The following KIF1B variants were observed in gnomAD, a reference collection of about 807,000 sequenced individuals.
KIF1B encodes the protein kinesin-like protein KIF1B.
A neutral mutation model predicts 241.9 loss-of-function variants in KIF1B; 76 were observed. That is an observed-to-expected ratio of 0.31 (90% CI 0.26 to 0.38). KIF1B has a LOEUF of 0.38. Among genes scored for constraint, KIF1B ranks in the 10% least tolerant of loss-of-function variants. KIF1B has a pLI of 1.00. For missense variants in KIF1B, 1,622 were observed against 2,271.4 expected (o/e 0.71, Z 5.81); for synonymous variants, 750 against 796.7 (o/e 0.94, Z 0.99).
chr1:10,304,630 C>G (rs746409974), intron 22 of KIF1B: 8 of 1,613,810 alleles, frequency 5.0e-6, no homozygotes, highest in Non-Finnish European at 6.8e-6. Context: ...CAAAGCTGGT[C>G]GAGAAACCAC....
chr1:10,278,580 C>T (rs1649240386), intron 13 of KIF1B: 1 of 204,340 alleles, frequency 4.9e-6, no homozygotes, highest in Non-Finnish European at 1.0e-5. Flanking sequence ...AGATAAGATT[C>T]ACCTTTGAAT....
intron 27 of KIF1B, among the ~76,000 whole-genome samples, chr1:10,331,379 C>T (rs150698452): frequency 2.6e-5 from 4 of 152,158 alleles, no homozygotes; most frequent in Non-Finnish European, 4.4e-5. Flanking sequence ...TTCATTCTTA[C>T]GTTTTTTTAC....
At chr1:10,338,724 C>T (rs17034766) in intron 31 of KIF1B, among the ~76,000 whole-genome samples, 5,359 of 152,314 alleles carry the variant, frequency 0.035, 112 homozygotes, top group Middle Eastern at 0.13. Context: ...GCCTCAAAGG[C>T]GTCCTGTGTT....
intron 2 of KIF1B, among the ~76,000 whole-genome samples, chr1:10,248,803 G>A: frequency 6.6e-6 from 1 of 152,132 alleles, no homozygotes. Context: ...ATCAGATGTG[G>A]AGGATGAAAG....
intron 1 of KIF1B, among the ~76,000 whole-genome samples, chr1:10,213,611 CT>C (rs1646725128): frequency 6.6e-6 from 1 of 152,102 alleles, no homozygotes; most frequent in South Asian, 2.1e-4. Flanking sequence ...GAAGCATATC[CT>C]TTTGGTCTTG....
chr1:10,270,056 T>C (rs1648704414), intron 7 of KIF1B, among the ~76,000 whole-genome samples: 1 of 152,188 alleles, frequency 6.6e-6, no homozygotes. Context: ...TTCCTGAAGC[T>C]TTATTTTTTT....
rs1169892801 is a variant in KIF1B at position 10,295,740 on chromosome 1, G to T, written c.1751G>T (p.Arg584Leu). The T allele has an allele frequency of 1.4e-5, 23 of 1,613,626 alleles. No individual in the cohort carries two copies. Among genetic ancestry groups the T allele is most frequent in the Non-Finnish European group, 1.9e-5 (22 of 1,179,870 alleles). Residue 584 changes from arginine (R) to leucine (L), a missense_variant, in exon 19 of 49, where the codon CGG becomes CTG. Around this residue, in one of 7 missense-constraint regions of KIF1B, gnomAD observed 44 missense variants for 28.6 expected, o/e 1.54. Transcript: ENST00000676179. ...ATTAAAGAAGAGCATTGTATCTTCC[G>T]GAGTGAGAGAAGCAACAGCGGGGAA... ...AHIKEEHCIF[R>L]SERSNSGEVI...
At chr1:10,224,395 C>A (rs189884833) in intron 1 of KIF1B, among the ~76,000 whole-genome samples, 1 of 152,100 alleles carries the variant, frequency 6.6e-6, no homozygotes, top group South Asian at 2.1e-4. Context: ...GGATTACAAG[C>A]GTGAGCTGCC....
intron 26 of KIF1B, among the ~76,000 whole-genome samples, chr1:10,325,099 C>G (rs992612654): frequency 2.0e-5 from 3 of 152,152 alleles, no homozygotes; most frequent in African/African-American, 7.2e-5. Context: ...TTTCGACTCT[C>G]AAACTTTCAG....
intron 14 of KIF1B, among the ~76,000 whole-genome samples, chr1:10,280,479 C>T (rs1649356368): frequency 6.6e-6 from 1 of 152,110 alleles, no homozygotes; most frequent in Admixed American, 6.5e-5. Flanking sequence ...CGTGATCCTC[C>T]TGCCTTGGCC....
intron 16 of KIF1B, 33 bp from the exon 17 acceptor site, chr1:10,292,014 A>G (rs747693559): frequency 1.7e-5 from 26 of 1,565,164 alleles, no homozygotes; most frequent in Admixed American, 3.3e-5. Context: ...ACATTTTGGT[A>G]TTAGTGTTCT....
rs3831405 is a variant in KIF1B, at chr1:10,324,118, C to CTTGAAA, written c.2537+57_2537+58insTGAAAT. 444,133 of 1,534,136 alleles carry CTTGAAA rather than the reference C, an allele frequency of 0.29. 66,419 individuals carry two copies. Among genetic ancestry groups the CTTGAAA allele is most frequent in the Admixed American group, 0.33 (19,804 of 59,810 alleles). On this transcript the variant is annotated intron_variant, in intron 25 of 48. Transcript: ENST00000676179. The stretch of plus-strand genomic sequence containing the variant: ...TTATTTAGGAAATAACAATGACCTG[C>CTTGAAA]TCAAGTGAGCTCCCTCCAGCTCTCC...
Position 10,295,817 on chromosome 1 carries a change from T to C in KIF1B, c.1777+51T>C, listed in dbSNP as rs771986306. On this transcript the variant is annotated intron_variant, in intron 19 of 48. Coordinates refer to ENST00000676179, the MANE Select transcript of KIF1B (RefSeq NM_001365951.3). ...GCAACAACATTTTCATTTTATATTA[T>C]GAGAAATCCTTAAGACTTTGTATTC... is the stretch of plus-strand genomic sequence containing the variant. The C allele has an allele frequency of 1.1e-5, 16 of 1,427,336 alleles. No individual in the cohort carries two copies. In the Admixed American group the frequency reaches 2.5e-4, roughly 23 times the overall value. 88.4% of individuals were successfully genotyped at this position (1,427,336 alleles called of 1,614,324 possible).
chr1:10,342,648 A>G (rs761108108), intron 33 of KIF1B, among the ~76,000 whole-genome samples: 1 of 152,168 alleles, frequency 6.6e-6, no homozygotes, highest in Non-Finnish European at 1.5e-5. Flanking sequence ...CTGTTTCACT[A>G]TCTAGGATTA....
At chr1:10,252,701 C>T (rs1647531318) in intron 2 of KIF1B, among the ~76,000 whole-genome samples, 1 of 150,412 alleles carries the variant, frequency 6.6e-6, no homozygotes. Flanking sequence ...TGTGAGTCAC[C>T]GAGCCAGGTC....
chr1:10,325,646 CAAACACATCTTACCCTAGCA>C, intron 26 of KIF1B, among the ~76,000 whole-genome samples: 1 of 152,256 alleles, frequency 6.6e-6, no homozygotes, highest in African/African-American at 2.4e-5. Flanking sequence ...ATGAATTGGC[CAAACACATCTTACCCTAGCA>C]AAGCACATGC....
Position 10,232,533 on chromosome 1 carries a change from A to G in KIF1B, c.106+99A>G, listed in dbSNP as rs371848062. Reference sequence around the variant, plus strand: ...CAGAATAGATGAACATCTGTATGTTAACACTTTGAACTTTGCTATTCTGAA... The same window carrying G: ...CAGAATAGATGAACATCTGTATGTTGACACTTTGAACTTTGCTATTCTGAA... On this transcript the variant is annotated intron_variant, in intron 2 of 48. Coordinates refer to ENST00000676179, the MANE Select transcript of KIF1B (RefSeq NM_001365951.3). 5.2e-5 allele frequency: 43 copies of G among 829,280 alleles called. No individual in the cohort carries two copies. In the African/African-American group the frequency reaches 7.0e-4, roughly 14 times the overall value. 51.4% of individuals were successfully genotyped at this position (829,280 alleles called of 1,614,324 possible). A position where few individuals can be genotyped will look rare whatever the true frequency, so the allele number is the denominator to read the frequency against.
rs1652236323 is a variant in KIF1B at position 10,337,759 on chromosome 1, T to G, written c.3422+226T>G. Among the ~76,000 whole-genome samples the G allele has an allele frequency of 6.6e-6, 1 of 152,212 alleles. No individual in the cohort carries two copies. The highest frequency in any genetic ancestry group is 1.5e-5 in the Non-Finnish European group (1 of 68,032). ...AGGAGGAGCATGCTGCACATCCTGC[T>G]GCAGGGCTCTGCTGTGAGCGGTCCC... On this transcript the variant is annotated intron_variant, in intron 31 of 48. Coordinates refer to ENST00000676179, the MANE Select transcript of KIF1B (RefSeq NM_001365951.3). The surrounding 1 kb of genome is among the most constrained non-coding windows in gnomAD (Gnocchi z 4.0).
At chr1:10,233,003 G>A (rs1356470289) in intron 2 of KIF1B, among the ~76,000 whole-genome samples, 1 of 152,102 alleles carries the variant, frequency 6.6e-6, no homozygotes, top group Admixed American at 6.6e-5. Flanking sequence ...TTCTTGATAT[G>A]GTTCCATAGG....
Sources: gnomAD v4.1 joint callset for allele counts (sites outside exome capture counted in the v4.1 genomes callset) on GRCh38, gnomAD v4.1.1 for gene constraint, gnomAD v4.1.1 regional missense constraint, Gnocchi (gnomAD v3.1) non-coding constraint, MANE v1.5 for transcripts, NCBI Gene and HGNC (gene_info 2026-07-23, HGNC 2026-07-21) for gene names.